Variants in CPT1A observed in about 807,000 individuals in gnomAD.
CPT1A encodes the protein carnitine palmitoyltransferase 1A, also known as carnitine O-palmitoyltransferase 1, liver isoform.
A neutral mutation model predicts 100.8 loss-of-function variants in CPT1A; 64 were observed. That is an observed-to-expected ratio of 0.63 (90% CI 0.52 to 0.78). The LOEUF is 0.78. Ranked by LOEUF, CPT1A falls within the 30% of genes least tolerant of loss-of-function variation. The pLI is 0.00. For synonymous variants in CPT1A, 363 were observed against 396.0 expected, an observed-to-expected ratio of 0.92 and a Z score of 0.99; for missense variants, 802 against 1,034.1, an observed-to-expected ratio of 0.78 and a Z score of 3.08.
chr11:68,801,127 G>A (rs919721881), intron 5 of CPT1A, among the ~76,000 whole-genome samples: 4 of 152,044 alleles, frequency 2.6e-5, no homozygotes, highest in African/African-American at 9.7e-5. Context: ...AGGGGGAGGG[G>A]GCAGGTGTCA....
Position 68,804,008 on chromosome 11 carries a change from C to T in CPT1A, c.547G>A (p.Val183Met). The T allele has an allele frequency of 6.2e-7, 1 of 1,613,230 alleles. No homozygotes were observed. The highest frequency in any genetic ancestry group is 8.5e-7 in the Non-Finnish European group (1 of 1,179,146). ...GCCTAAGCCACACCTACCCTGTTCA[C>T]AGTGTCTTTGACAGCCGGGACCGGC... ...RLPVPAVKDT[V>M]NRYLQSVRPL... Residue 183 changes from valine to methionine, a missense_variant, in exon 5 of 19, where the codon GTG becomes ATG. Val to Met is a conservative substitution (Grantham distance 21, BLOSUM62 1). Coordinates refer to ENST00000265641, the MANE Select transcript of CPT1A (RefSeq NM_001876.4).
In CPT1A at chr11:68,814,619, A is replaced by C. The variant is rs188200891; in HGVS notation, c.141+715T>G. Among the ~76,000 whole-genome samples, 71 of 151,092 alleles carry C rather than the reference A, an allele frequency of 4.7e-4. 1 individual carries two copies. Among genetic ancestry groups the C allele is most frequent in the African/African-American group, 1.4e-3 (56 of 41,152 alleles). On this transcript the variant is annotated intron_variant, in intron 2 of 18. Transcript: ENST00000265641. Reference sequence around the variant, plus strand: ...CACTGCACCCGGACCTTATGCAGAGAGTTTCTAATGTGTGAATGTTTTATA... The same window carrying C: ...CACTGCACCCGGACCTTATGCAGAGCGTTTCTAATGTGTGAATGTTTTATA...
At chr11:68,773,462 C>G in intron 13 of CPT1A, 33 bp from the exon 14 acceptor site, 1 of 1,613,770 alleles carries the variant, frequency 6.2e-7, no homozygotes, top group East Asian at 2.2e-5. Context: ...TTTTACGGAA[C>G]GAGGGGAGAA....
At chr11:68,773,562 G>C (rs1411526156) in intron 13 of CPT1A, 133 bp from the exon 14 acceptor site, 4 of 1,506,244 alleles carry the variant, frequency 2.7e-6, no homozygotes, top group Admixed American at 2.0e-5. Context: ...ACGTTTTCCT[G>C]ACCCAGAAGC....
chr11:68,762,638 G>A lies in CPT1A; in HGVS notation c.1864C>T (p.Pro622Ser). 6.2e-7 allele frequency: 1 copy of A among 1,613,714 alleles called. No individual in the cohort carries two copies. Among genetic ancestry groups the A allele is most frequent in the Non-Finnish European group, 8.5e-7 (1 of 1,180,020 alleles). ...TGATGGCACATTACCGTCTGGGCCG[G>A]GTCCACCATGGCCCGCACGAAGTCG... is the stretch of plus-strand genomic sequence containing the variant. ...SCDFVRAMVD[P>S]AQTVEQRLKL... Residue 622 changes from proline (P) to serine (S), a missense_variant, in exon 15 of 19, where the codon CCG becomes TCG. Pro to Ser is a moderately conservative substitution (Grantham distance 74, BLOSUM62 -1). Coordinates refer to ENST00000265641, the MANE Select transcript of CPT1A (RefSeq NM_001876.4).
At chr11:68,795,807 G>A (rs1251828029) in intron 7 of CPT1A, among the ~76,000 whole-genome samples, 2 of 151,878 alleles carry the variant, frequency 1.3e-5, no homozygotes, top group East Asian at 3.9e-4. Context: ...CTACTCGGGA[G>A]GCTGAGGCAG....
At chr11:68,822,925 G>A (rs1192030649) in intron 1 of CPT1A, among the ~76,000 whole-genome samples, 1 of 152,192 alleles carries the variant, frequency 6.6e-6, no homozygotes. Context: ...CCGGGGGCTT[G>A]GAGCAGATGG....
intron 9 of CPT1A, among the ~76,000 whole-genome samples, chr11:68,792,108 G>T (rs1254947129): frequency 6.6e-6 from 1 of 152,012 alleles, no homozygotes; most frequent in Non-Finnish European, 1.5e-5. Context: ...GAAGGCCGAG[G>T]TGGGACGATC....
rs551204272 is a variant in CPT1A at position 68,760,454 on chromosome 11, A to G, written c.2029-116T>C. On this transcript the variant is annotated intron_variant, in intron 16 of 18. Transcript: ENST00000265641. ...TCTTTTGATTGTTCCACACACCACA[A>G]GTCTATGTCTCCAAAGGCCTCACTG... 5.3e-3 allele frequency: 4,014 copies of G among 759,338 alleles called. 14 individuals are homozygous for G. Among genetic ancestry groups the G allele is most frequent in the Middle Eastern group, 9.3e-3 (27 of 2,902 alleles). 47.0% of individuals were successfully genotyped at this position (759,338 alleles called of 1,614,324 possible).
At chr11:68,836,844 A>G (rs1399206630) in intron 1 of CPT1A, among the ~76,000 whole-genome samples, 1 of 150,334 alleles carries the variant, frequency 6.7e-6, no homozygotes, top group African/African-American at 2.5e-5. Flanking sequence ...TCTCCAAGAA[A>G]AGAAAGGGAA....
chr11:68,786,587 G>A (rs1348605419), intron 9 of CPT1A, among the ~76,000 whole-genome samples: 2 of 152,222 alleles, frequency 1.3e-5, no homozygotes, highest in Non-Finnish European at 2.9e-5. Flanking sequence ...CTGGAGTGCA[G>A]TGGCGCGATC....
intron 9 of CPT1A, chr11:68,786,045 A>T (rs968575604): frequency 4.3e-6 from 3 of 702,190 alleles, no homozygotes; most frequent in Admixed American, 4.0e-5. Flanking sequence ...TCTAGTGAGG[A>T]AGACAAATAA....
intron 15 of CPT1A, 52 bp from the exon 16 acceptor site, chr11:68,761,739 G>A (rs1415799526): frequency 8.1e-6 from 13 of 1,604,148 alleles, no homozygotes; most frequent in African/African-American, 1.3e-5. Context: ...AAGTTGAGCA[G>A]TTACGGATCT....
intron 1 of CPT1A, among the ~76,000 whole-genome samples, chr11:68,836,663 T>A (rs1857016885): frequency 6.6e-6 from 1 of 151,752 alleles, no homozygotes; most frequent in South Asian, 2.1e-4. Flanking sequence ...TCCCAGCTGC[T>A]TGGGAGGCTG....
chr11:68,754,638 T>C, downstream of CPT1A: 2 of 605,246 alleles, frequency 3.3e-6, no homozygotes, highest in Admixed American at 2.9e-5. Context: ...AACATATTTA[T>C]TGAGCATCTT....
chr11:68,828,884 G>T (rs760875243), intron 1 of CPT1A, among the ~76,000 whole-genome samples: 2 of 152,170 alleles, frequency 1.3e-5, no homozygotes, highest in African/African-American at 4.8e-5. Context: ...AGCTGGCCCC[G>T]GTCCATCTGC....
chr11:68,794,953 A>G (rs1299955890), intron 7 of CPT1A, 42 bp from the exon 8 acceptor site: 3 of 1,483,260 alleles, frequency 2.0e-6, no homozygotes, highest in South Asian at 1.1e-5. Context: ...ATAGGGAAAG[A>G]TAAGCAAATT....
chr11:68,807,733 G>C, intron 3 of CPT1A, 95 bp from the exon 4 acceptor site: 2 of 1,248,696 alleles, frequency 1.6e-6, no homozygotes, highest in Non-Finnish European at 2.3e-6. Flanking sequence ...GTGCTGCAGG[G>C]TCCAGCAGCC....
intron 9 of CPT1A, among the ~76,000 whole-genome samples, chr11:68,791,754 C>T (rs1855621035): frequency 6.6e-6 from 1 of 152,016 alleles, no homozygotes; most frequent in Non-Finnish European, 1.5e-5. Context: ...GTAGGCTGGT[C>T]TTGAACTCCT....
Sources: gnomAD v4.1 joint callset for allele counts (sites outside exome capture counted in the v4.1 genomes callset) on GRCh38, gnomAD v4.1.1 for gene constraint, MANE v1.5 for transcripts, NCBI Gene and HGNC (gene_info 2026-07-23, HGNC 2026-07-21) for gene names.